The following CRMP1 variants were observed in gnomAD, a reference collection of about 807,000 sequenced individuals.
CRMP1 encodes collapsin response mediator protein 1.
A neutral mutation model predicts 68.3 loss-of-function variants in CRMP1; 19 were observed. The ratio of observed to expected loss-of-function variants is 0.28; its 90% confidence interval spans 0.19 to 0.41. The LOEUF is 0.41. Among genes scored for constraint, CRMP1 ranks in the 10% least tolerant of loss-of-function variants. The pLI is 1.00. For missense variants in CRMP1, 791 were observed against 967.4 expected, an observed-to-expected ratio of 0.82 and a Z score of 2.42; for synonymous variants, 439 against 399.6, an observed-to-expected ratio of 1.10 and a Z score of -1.18.
chr4:5,827,857 C>G (rs111626292), intron 12 of CRMP1, among the ~76,000 whole-genome samples: 1 of 152,290 alleles, frequency 6.6e-6, no homozygotes, highest in East Asian at 1.9e-4. Context: ...GGGCGGGAGT[C>G]TCTCTCAGCT....
At chr4:5,827,085 T>C (rs115317209) in intron 12 of CRMP1, among the ~76,000 whole-genome samples, 142 of 152,336 alleles carry the variant, frequency 9.3e-4, no homozygotes, top group African/African-American at 3.3e-3. Flanking sequence ...GTCTAGCTCC[T>C]GCAGGCATGA....
At position 5,828,576 on chromosome 4, in the gene CRMP1, G is replaced by A; in HGVS notation, c.1716C>T (p.Asn572=). ...GGCCCATGCCCTTGTTGACGTTGATGTTTCCGTCTTCAAAGACGATCTTGC... is the reference window on the plus strand; with the variant it reads ...GGCCCATGCCCTTGTTGACGTTGATATTTCCGTCTTCAAAGACGATCTTGC... The part of the protein sequence containing the change: ...SQGKIVFEDG[N]INVNKGMGRF... Residue 572 remains asparagine, a synonymous_variant, in exon 12 of 14, where the codon AAC becomes AAT. Transcript: ENST00000324989. 1 of 1,614,226 alleles carries A rather than the reference G, an allele frequency of 6.2e-7. No homozygotes were observed. Among genetic ancestry groups the A allele is most frequent in the Non-Finnish European group, 8.5e-7 (1 of 1,180,042 alleles).
At chr4:5,830,226 C>T (rs1320784966) in intron 11 of CRMP1, among the ~76,000 whole-genome samples, 1 of 152,212 alleles carries the variant, frequency 6.6e-6, no homozygotes, top group Admixed American at 6.5e-5. Context: ...AAAGTACACA[C>T]TCAATGTTAA....
At position 5,883,655 on chromosome 4, in the gene CRMP1, G is replaced by GACACACACACAC. The variant is rs148593249; in HGVS notation, c.381+8922_381+8933dup. Among the ~76,000 whole-genome samples the GACACACACACAC allele has an allele frequency of 0.03, 4,426 of 149,644 alleles. 90 individuals are homozygous for GACACACACACAC. The highest frequency in any genetic ancestry group is 0.056 in the South Asian group (261 of 4,700). On this transcript the variant is annotated intron_variant, in intron 1 of 13. Coordinates refer to ENST00000324989, the MANE Select transcript of CRMP1 (RefSeq NM_001014809.3). This position sits in a 1 kb window ranked among gnomAD's most constrained non-coding sequence, Gnocchi z 4.5. ...AGATGGCAAGATAATTAAGGTCAGG[G>GACACACACACAC]ACACACACACACACACACACACACA... is the stretch of plus-strand genomic sequence containing the variant.
intron 1 of CRMP1, among the ~76,000 whole-genome samples, chr4:5,867,343 C>T (rs970323219): frequency 6.6e-6 from 1 of 152,174 alleles, no homozygotes; most frequent in Non-Finnish European, 1.5e-5. Flanking sequence ...GCACTGGCCC[C>T]TCCTCCCTTT....
At position 5,825,119 on chromosome 4, in the gene CRMP1, C is replaced by T. The variant is rs748031382; in HGVS notation, c.1969+375G>A. The T allele has an allele frequency of 9.1e-4, 899 of 985,292 alleles. 3 individuals carry two copies. The highest frequency in any genetic ancestry group is 1.0e-3 in the Non-Finnish European group (850 of 829,942). 61.0% of individuals were successfully genotyped at this position (985,292 alleles called of 1,614,324 possible). On this transcript the variant is annotated intron_variant, in intron 13 of 13. Coordinates refer to ENST00000324989, the MANE Select transcript of CRMP1 (RefSeq NM_001014809.3). This position sits in a 1 kb window ranked among gnomAD's most constrained non-coding sequence, Gnocchi z 4.4. ...GAACAGGCTAAAGACTTACACAGAG[C>T]ACATGCCCTGCAAATGGCAGCTACT...
At position 5,866,386 on chromosome 4, in the gene CRMP1, A is replaced by G. The variant is rs1434739613; in HGVS notation, c.470+282T>C. Among the ~76,000 whole-genome samples, 1 of 152,168 alleles carries G rather than the reference A, an allele frequency of 6.6e-6. No homozygotes were observed. Among genetic ancestry groups the G allele is most frequent in the Non-Finnish European group, 1.5e-5 (1 of 68,022 alleles). On this transcript the variant is annotated intron_variant, in intron 2 of 13. Transcript: ENST00000324989. The surrounding 1 kb of genome is among the most constrained non-coding windows in gnomAD (Gnocchi z 5.9). ...GGCCTGCCGCCTCCAAAACCACAAA[A>G]CAGGAAACGTGTCTGCATTTTGCAG...
chr4:5,854,412 T>G lies in CRMP1; in HGVS notation c.820+1731A>C, dbSNP rs1041718595. 1.4e-5 allele frequency among the ~76,000 whole-genome samples: 2 copies of G among 147,870 alleles called. No individual in the cohort carries two copies. The highest frequency in any genetic ancestry group is 2.2e-4 in the South Asian group (1 of 4,578). The stretch of plus-strand genomic sequence containing the variant: ...ACTCCTGGCTATGTTTTTTTTTTTT[T>G]TTTTTTTTTTTTAATAGAGTCGTGG... On this transcript the variant is annotated intron_variant, in intron 4 of 13. Coordinates refer to ENST00000324989, the MANE Select transcript of CRMP1 (RefSeq NM_001014809.3). The surrounding 1 kb of genome is among the most constrained non-coding windows in gnomAD (Gnocchi z 4.0).
chr4:5,887,829 G>T, intron 1 of CRMP1: 1 of 998,668 alleles, frequency 1.0e-6, no homozygotes, highest in Non-Finnish European at 1.2e-6. Flanking sequence ...GGACGGTGCG[G>T]GGGCCGAGCC....
Position 5,866,629 on chromosome 4 carries a change from GA to G in CRMP1, c.470+38del. 1 of 1,503,864 alleles carries G rather than the reference GA, an allele frequency of 6.6e-7. No homozygotes were observed. The highest frequency in any genetic ancestry group is 1.1e-5 in the South Asian group (1 of 87,048). The allele number at this position is 1,503,864 out of a possible 1,614,324, so 93.2% of individuals were successfully genotyped here. ...TCCATCTAAGGCCAGGCAGCCTGGC[GA>G]CACAGGTTTCTTAAAAGGTCCGTTT... On this transcript the variant is annotated intron_variant, in intron 2 of 13. Transcript: ENST00000324989. This position sits in a 1 kb window ranked among gnomAD's most constrained non-coding sequence, Gnocchi z 5.9.
At chr4:5,844,138 G>A (rs960363894) in intron 6 of CRMP1, among the ~76,000 whole-genome samples, 3 of 152,078 alleles carry the variant, frequency 2.0e-5, no homozygotes, top group Non-Finnish European at 4.4e-5. Context: ...TATTAAGCTC[G>A]AGGTTATTAC....
At position 5,860,964 on chromosome 4, in the gene CRMP1, G is replaced by A. The variant is rs564267206; in HGVS notation, c.655+62C>T. On this transcript the variant is annotated intron_variant, in intron 3 of 13. Coordinates refer to ENST00000324989, the MANE Select transcript of CRMP1 (RefSeq NM_001014809.3). This position sits in a 1 kb window ranked among gnomAD's most constrained non-coding sequence, Gnocchi z 4.2. ...CTCGAACACACTGAGCACTTGTGAT[G>A]CTGGTGATGGGGAGGAGACCTCACA... is the stretch of plus-strand genomic sequence containing the variant. 15 of 1,536,472 alleles carry A rather than the reference G, an allele frequency of 9.8e-6. No individual in the cohort carries two copies. In the South Asian group the frequency reaches 1.3e-4, roughly 13 times the overall value.
chr4:5,887,474 G>A, intron 1 of CRMP1: 1 of 985,550 alleles, frequency 1.0e-6, no homozygotes, highest in Non-Finnish European at 1.2e-6. Context: ...GCCAGCTCCT[G>A]ACCGCTGCGC....
At chr4:5,884,981 C>T (rs1222941168) in intron 1 of CRMP1, among the ~76,000 whole-genome samples, 2 of 96,040 alleles carry the variant, frequency 2.1e-5, no homozygotes, top group African/African-American at 3.6e-5. Flanking sequence ...GTGTGCCATT[C>T]ATTAAAAAAA....
rs951963179 is a variant in CRMP1, at chr4:5,854,587, G to A, written c.820+1556C>T. Among the ~76,000 whole-genome samples the A allele has an allele frequency of 6.6e-6, 1 of 152,006 alleles. No individual in the cohort carries two copies. The highest frequency in any genetic ancestry group is 1.9e-4 in the East Asian group (1 of 5,190). On this transcript the variant is annotated intron_variant, in intron 4 of 13. Coordinates refer to ENST00000324989, the MANE Select transcript of CRMP1 (RefSeq NM_001014809.3). The surrounding 1 kb of genome is among the most constrained non-coding windows in gnomAD (Gnocchi z 4.0). ...AGAGCTTAAACAGACATATGAAAAT[G>A]CAAATTGAAGAGTGGGCAAATAATA...
intron 6 of CRMP1, 88 bp downstream of exon 6, chr4:5,849,304 T>A: frequency 9.6e-7 from 1 of 1,045,318 alleles, no homozygotes; most frequent in Non-Finnish European, 1.5e-6. Context: ...TTGTACAGCC[T>A]CCTCACTAAC....
intron 6 of CRMP1, among the ~76,000 whole-genome samples, chr4:5,847,940 T>A (rs1712340271): frequency 6.6e-6 from 1 of 152,162 alleles, no homozygotes; most frequent in African/African-American, 2.4e-5. Context: ...CCTGGCTTGA[T>A]TTACAACATT....
In CRMP1 at chr4:5,858,604, C is replaced by G. The variant is rs973931689; in HGVS notation, c.656-2297G>C. On this transcript the variant is annotated intron_variant, in intron 3 of 13. Coordinates refer to ENST00000324989, the MANE Select transcript of CRMP1 (RefSeq NM_001014809.3). The surrounding 1 kb of genome is among the most constrained non-coding windows in gnomAD (Gnocchi z 5.5). ...TGGCCACGCCACCCTCATCTCTCAG[C>G]TGAATTACGCAATCGCCTCCCAACT... is the stretch of plus-strand genomic sequence containing the variant. Among the ~76,000 whole-genome samples, 3 of 152,194 alleles carry G rather than the reference C, an allele frequency of 2.0e-5. No individual in the cohort carries two copies. The highest frequency in any genetic ancestry group is 2.9e-5 in the Non-Finnish European group (2 of 68,044).
Position 5,865,361 on chromosome 4 carries a change from C to G in CRMP1, c.470+1307G>C, listed in dbSNP as rs1713908791. 6.6e-6 allele frequency among the ~76,000 whole-genome samples: 1 copy of G among 152,150 alleles called. No homozygotes were observed. The highest frequency in any genetic ancestry group is 2.1e-4 in the South Asian group (1 of 4,808). ...GGCCAGCCAGGCGCGATGGCTCACA[C>G]CTGTAATCCCAGCACTTTGGGAGGC... On this transcript the variant is annotated intron_variant, in intron 2 of 13. Coordinates refer to ENST00000324989, the MANE Select transcript of CRMP1 (RefSeq NM_001014809.3). This position sits in a 1 kb window ranked among gnomAD's most constrained non-coding sequence, Gnocchi z 4.1.
Sources: gnomAD v4.1 joint callset for allele counts (sites outside exome capture counted in the v4.1 genomes callset) on GRCh38, gnomAD v4.1.1 for gene constraint, Gnocchi (gnomAD v3.1) non-coding constraint, MANE v1.5 for transcripts, NCBI Gene and HGNC (gene_info 2026-07-23, HGNC 2026-07-21) for gene names.